The following NCAM2 variants were observed in gnomAD, a reference collection of about 807,000 sequenced individuals.
The protein encoded by NCAM2 is neural cell adhesion molecule 2, also known as N-CAM-2.
NCAM2 carries 30 observed loss-of-function variants against 98.1 expected under a neutral mutation model. The ratio of observed to expected loss-of-function variants is 0.31; its 90% confidence interval spans 0.23 to 0.41. The LOEUF is 0.41. Among genes scored for constraint, NCAM2 ranks in the 10% least tolerant of loss-of-function variants. NCAM2 has a pLI of 1.00. For synonymous variants in NCAM2, 368 were observed against 342.4 expected, an observed-to-expected ratio of 1.07 and a Z score of -0.83; for missense variants, 867 against 1,005.8, an observed-to-expected ratio of 0.86 and a Z score of 1.87.
intron 1 of NCAM2, among the ~76,000 whole-genome samples, chr21:21,182,688 A>G (rs1424248993): frequency 1.3e-5 from 2 of 152,122 alleles, no homozygotes; most frequent in Non-Finnish European, 2.9e-5. Flanking sequence ...TTAGCTCTTC[A>G]ATTTAGAATG....
chr21:21,405,496 G>C (rs979638928), intron 9 of NCAM2, among the ~76,000 whole-genome samples: 2 of 152,068 alleles, frequency 1.3e-5, no homozygotes, highest in African/African-American at 4.8e-5. Flanking sequence ...AAAATAAAAA[G>C]TATAATTTAA....
intron 16 of NCAM2, among the ~76,000 whole-genome samples, chr21:21,514,392 C>T (rs920725310): frequency 1.2e-4 from 17 of 146,922 alleles, no homozygotes; most frequent in Non-Finnish European, 5.9e-5. Context: ...AGGAGAATCA[C>T]TTGAACCTCG....
intron 12 of NCAM2, among the ~76,000 whole-genome samples, chr21:21,447,549 G>A (rs370889865): frequency 1.3e-5 from 2 of 151,876 alleles, no homozygotes; most frequent in East Asian, 1.9e-4. Flanking sequence ...TTTGACAAAT[G>A]GGATTTAACT....
At chr21:21,448,733 A>G (rs1980572837) in intron 12 of NCAM2, among the ~76,000 whole-genome samples, 1 of 152,100 alleles carries the variant, frequency 6.6e-6, no homozygotes, top group African/African-American at 2.4e-5. Flanking sequence ...AATTGACTAT[A>G]AAATTCATCT....
intron 1 of NCAM2, among the ~76,000 whole-genome samples, chr21:21,203,067 C>T (rs1021946869): frequency 5.3e-5 from 8 of 152,140 alleles, no homozygotes; most frequent in African/African-American, 1.9e-4. Flanking sequence ...ATGGATTGAA[C>T]TCTATAAGAA....
At chr21:21,098,488 A>G (rs576355521) in intron 1 of NCAM2, among the ~76,000 whole-genome samples, 231 of 151,924 alleles carry the variant, frequency 1.5e-3, no homozygotes, top group African/African-American at 5.2e-3. Flanking sequence ...TACATTCCAG[A>G]AGGAACACAG....
At position 21,335,494 on chromosome 21, in the gene NCAM2, T is replaced by G. The variant is rs752797666; in HGVS notation, c.738-11T>G. The G allele has an allele frequency of 6.3e-7, 1 of 1,577,880 alleles. No individual in the cohort carries two copies. The highest frequency in any genetic ancestry group is 1.2e-5 in the South Asian group (1 of 84,522). ...AGATCTGTGAGGATGAACCTCTTTT[T>G]TCTTCTTTAGGAATGGCAAGCTCAT... On this transcript the variant is annotated splice_polypyrimidine_tract_variant and intron_variant, in intron 6 of 17. Transcript: ENST00000400546.
intron 1 of NCAM2, among the ~76,000 whole-genome samples, chr21:21,089,068 A>T (rs2065961610): frequency 7.1e-6 from 1 of 141,136 alleles, no homozygotes; most frequent in South Asian, 2.3e-4. Flanking sequence ...AAATTATGTC[A>T]ATCATTTTTT....
At chr21:21,014,080 A>C (rs1424786498) in intron 1 of NCAM2, among the ~76,000 whole-genome samples, 4 of 152,218 alleles carry the variant, frequency 2.6e-5, no homozygotes, top group Non-Finnish European at 4.4e-5. Flanking sequence ...CTTTCTTCTT[A>C]GGGAATAATA....
intron 1 of NCAM2, among the ~76,000 whole-genome samples, chr21:21,179,460 C>T (rs2068399586): frequency 6.6e-6 from 1 of 151,916 alleles, no homozygotes; most frequent in Non-Finnish European, 1.5e-5. Context: ...AAATTGTTTT[C>T]TTGGCATGAA....
At chr21:21,019,896 G>A (rs1260083607) in intron 1 of NCAM2, among the ~76,000 whole-genome samples, 2 of 152,048 alleles carry the variant, frequency 1.3e-5, no homozygotes, top group African/African-American at 2.4e-5. Context: ...GTGTTAGCTG[G>A]GTGCTGTCGT....
chr21:21,199,005 C>T lies in NCAM2; in HGVS notation c.56-81573C>T, dbSNP rs140767880. ...TCTGTTCTGGTTTGCTGGAACAGTCCCATTTATGATTTTTGTCCTAGGATT... is the reference window on the plus strand; with the variant it reads ...TCTGTTCTGGTTTGCTGGAACAGTCTCATTTATGATTTTTGTCCTAGGATT... On this transcript the variant is annotated intron_variant, in intron 1 of 17. Transcript: ENST00000400546. Among the ~76,000 whole-genome samples, 39 of 152,028 alleles carry T rather than the reference C, an allele frequency of 2.6e-4. No individual in the cohort carries two copies. The East Asian group carries it at 7.3e-3, about 29-fold the overall frequency.
intron 9 of NCAM2, among the ~76,000 whole-genome samples, chr21:21,402,723 AG>A (rs2145879113): frequency 6.6e-6 from 1 of 152,146 alleles, no homozygotes; most frequent in East Asian, 1.9e-4. Flanking sequence ...TGTCACCCCT[AG>A]TGGCCCAGCT....
At chr21:21,499,168 T>C in intron 15 of NCAM2, among the ~76,000 whole-genome samples, 1 of 152,186 alleles carries the variant, frequency 6.6e-6, no homozygotes. Flanking sequence ...GTAAAATGCG[T>C]AGCTAAAAGT....
At chr21:21,113,283 C>G (rs2066490078) in intron 1 of NCAM2, among the ~76,000 whole-genome samples, 1 of 152,050 alleles carries the variant, frequency 6.6e-6, no homozygotes, top group South Asian at 2.1e-4. Flanking sequence ...CACGGTGGCA[C>G]AAAATTGTTT....
chr21:21,025,932 T>C (rs2064535625), intron 1 of NCAM2, among the ~76,000 whole-genome samples: 1 of 152,198 alleles, frequency 6.6e-6, no homozygotes, highest in African/African-American at 2.4e-5. Context: ...GATGTGAAGA[T>C]AGAGTTTAGT....
intron 1 of NCAM2, among the ~76,000 whole-genome samples, chr21:21,191,760 A>C (rs995353428): frequency 1.3e-5 from 2 of 152,212 alleles, no homozygotes; most frequent in Non-Finnish European, 2.9e-5. Flanking sequence ...TGCAGCAGGA[A>C]ATAAAGCCAG....
At chr21:21,420,793 GA>G (rs569854980) in intron 11 of NCAM2, among the ~76,000 whole-genome samples, 13 of 151,314 alleles carry the variant, frequency 8.6e-5, no homozygotes, top group African/African-American at 2.2e-4. Flanking sequence ...AAGGCAGGGA[GA>G]AAAAAAATCA....
At chr21:21,460,900 A>G (rs1266652897) in intron 12 of NCAM2, among the ~76,000 whole-genome samples, 1 of 151,020 alleles carries the variant, frequency 6.6e-6, no homozygotes, top group Admixed American at 6.6e-5. Context: ...GCATTTAATT[A>G]CAAAACCTTA....
Sources: gnomAD v4.1 joint callset for allele counts (sites outside exome capture counted in the v4.1 genomes callset) on GRCh38, gnomAD v4.1.1 for gene constraint, MANE v1.5 for transcripts, NCBI Gene and HGNC (gene_info 2026-07-23, HGNC 2026-07-21) for gene names.